The following UBE2Z variants were observed in gnomAD, a reference collection of about 807,000 sequenced individuals.
UBE2Z encodes the protein ubiquitin-conjugating enzyme E2 Z.
UBE2Z carries 10 observed loss-of-function variants against 32.6 expected under a neutral mutation model. That is an observed-to-expected ratio of 0.31 (90% CI 0.19 to 0.52). The LOEUF (loss-of-function observed/expected upper bound fraction) is 0.52. UBE2Z is among the 20% of genes least tolerant of loss of function. The pLI, the probability that UBE2Z is intolerant of heterozygous loss-of-function variation, is 0.97. For missense variants in UBE2Z, 343 were observed against 480.9 expected (o/e 0.71, Z 2.68); for synonymous variants, 183 against 190.8 (o/e 0.96, Z 0.34).
chr17:48,911,363 G>A (rs1324427955), intron 2 of UBE2Z: 1 of 159,118 alleles, frequency 6.3e-6, no homozygotes, highest in East Asian at 1.8e-4. Context: ...CTTACTGGTT[G>A]CGTTTAAGTA....
intron 4 of UBE2Z, among the ~76,000 whole-genome samples, chr17:48,919,648 T>C (rs2040745368): frequency 6.6e-6 from 1 of 152,152 alleles, no homozygotes; most frequent in African/African-American, 2.4e-5. Flanking sequence ...CAGCTAATTT[T>C]TGTATTTTTT....
At position 48,910,818 on chromosome 17, in the gene UBE2Z, T is replaced by A; in HGVS notation, c.328T>A (p.Ser110Thr). 1.9e-6 allele frequency: 3 copies of A among 1,613,098 alleles called. No individual in the cohort carries two copies. Among genetic ancestry groups the A allele is most frequent in the Non-Finnish European group, 1.7e-6 (2 of 1,179,156 alleles). ...CTTGGTGTTATACAGGGATATCATG[T>A]CCATTTATAAGGAGCCTCCTCCAGG... is the stretch of plus-strand genomic sequence containing the variant. ...CLLRIKRDIM[S>T]IYKEPPPGMF... Residue 110 changes from serine (S) to threonine (T), a missense_variant, in exon 2 of 7, where the codon TCC becomes ACC. Physicochemically the swap from Ser to Thr is moderately conservative, Grantham distance 58. This residue lies in a region of UBE2Z where 55 missense variants were observed against 56.2 expected (regional missense o/e 0.98). Transcript: ENST00000360943.
chr17:48,921,314 T>C (rs1314881903), intron 5 of UBE2Z, 42 bp downstream of exon 5: 1 of 1,500,680 alleles, frequency 6.7e-7, no homozygotes, highest in African/African-American at 1.4e-5. Context: ...TTTCGGGCAT[T>C]TGGGTAGTTG....
At chr17:48,924,513 T>G (rs768643562) in intron 6 of UBE2Z, among the ~76,000 whole-genome samples, 15 of 149,822 alleles carry the variant, frequency 1.0e-4, no homozygotes, top group Non-Finnish European at 1.6e-4. Flanking sequence ...AACTCAAAAT[T>G]TAGGCTTGTT....
chr17:48,909,319 C>A (rs1176746248), intron 1 of UBE2Z, among the ~76,000 whole-genome samples: 1 of 152,006 alleles, frequency 6.6e-6, no homozygotes, highest in African/African-American at 2.4e-5. Flanking sequence ...TCGAGCCAAC[C>A]TTTCTTTTTA....
rs374844182 is a variant in UBE2Z at position 48,924,300 on chromosome 17, G to A, written c.894+1363G>A. ...CCATAGTGTTTTGAAGCTAAGATGCGTTCAGCCCTCCCAGAATCTTAGGGA... is the reference window on the plus strand; with the variant it reads ...CCATAGTGTTTTGAAGCTAAGATGCATTCAGCCCTCCCAGAATCTTAGGGA... On this transcript the variant is annotated intron_variant, in intron 6 of 6. Transcript: ENST00000360943. 4.6e-5 allele frequency among the ~76,000 whole-genome samples: 7 copies of A among 152,260 alleles called. No homozygotes were observed. The East Asian group carries it at 9.7e-4, about 21-fold the overall frequency.
rs1598079813 is a variant in UBE2Z, at chr17:48,928,693, C to G, written c.*1559C>G. ...GTGGGCTTGGGGAACGGAAGTTTAT[C>G]TTGGATACCCTTGAAGAGGCTGGGT... On this transcript the variant is annotated 3_prime_UTR_variant, in exon 7 of 7. Transcript: ENST00000360943. 6.7e-6 allele frequency: 1 copy of G among 149,830 alleles called. No homozygotes were observed. Among genetic ancestry groups the G allele is most frequent in the Admixed American group, 6.6e-5 (1 of 15,072 alleles). The allele number at this position is 149,830 out of a possible 1,614,324, so 9.3% of individuals were successfully genotyped here.
intron 5 of UBE2Z, among the ~76,000 whole-genome samples, chr17:48,921,838 G>A (rs1414423805): frequency 1.3e-5 from 2 of 152,048 alleles, no homozygotes; most frequent in African/African-American, 4.8e-5. Context: ...AGACCAGCCT[G>A]GGCAACACAG....
chr17:48,913,073 T>C (rs1437632020), intron 3 of UBE2Z, 52 bp downstream of exon 3: 74 of 1,565,694 alleles, frequency 4.7e-5, no homozygotes, highest in Non-Finnish European at 6.4e-5. Context: ...ATAATTACTC[T>C]AGGTCAGCCT....
chr17:48,918,732 T>C (rs2040738046), intron 4 of UBE2Z, among the ~76,000 whole-genome samples: 1 of 144,130 alleles, frequency 6.9e-6, no homozygotes, highest in African/African-American at 2.5e-5. Context: ...CAGGAGCTGA[T>C]TTTTAGGTCT....
chr17:48,927,098 G>T lies in UBE2Z; in HGVS notation c.1029G>T (p.Gly343=). 3.1e-6 allele frequency: 5 copies of T among 1,613,890 alleles called. No individual in the cohort carries two copies. Among genetic ancestry groups the T allele is most frequent in the Non-Finnish European group, 3.4e-6 (4 of 1,179,872 alleles). The stretch of plus-strand genomic sequence containing the variant: ...TGGACTCTGATAGCAGTTCATCTGG[G>T]ACAGAGACAGACCTTCATGGGAGCC... ...AEMDSDSSSS[G]TETDLHGSLR... The change falls in exon 7 of 7, where the codon GGG becomes GGT. Residue 343 remains glycine (G), a synonymous_variant. Coordinates refer to ENST00000360943, the MANE Select transcript of UBE2Z (RefSeq NM_023079.5).
At chr17:48,926,538 C>T (rs934880828) in intron 6 of UBE2Z, among the ~76,000 whole-genome samples, 4 of 148,140 alleles carry the variant, frequency 2.7e-5, no homozygotes, top group East Asian at 2.0e-4. Context: ...TGTAATGGTG[C>T]GATCTCGATC....
intron 4 of UBE2Z, among the ~76,000 whole-genome samples, 161 bp from the exon 5 acceptor site, chr17:48,920,999 T>C (rs1175915622): frequency 1.3e-5 from 2 of 152,088 alleles, no homozygotes; most frequent in African/African-American, 2.4e-5. Context: ...GTGTCAAAAA[T>C]AAAGGTGTGG....
intron 6 of UBE2Z, among the ~76,000 whole-genome samples, chr17:48,926,728 G>A (rs7212779): frequency 0.28 from 41,905 of 151,984 alleles, 6,095 homozygotes; most frequent in Admixed American, 0.41. Context: ...TGATCCGCCC[G>A]CCTCGGCCGC....
chr17:48,916,191 A>G lies in UBE2Z; in HGVS notation c.690+4A>G. On this transcript the variant is annotated splice_donor_region_variant and intron_variant, in intron 4 of 6. Transcript: ENST00000360943. ...CAATGAGCCCGGCTTTGAACAGGTA[A>G]GGCCAGATGGGCCTGGCTCTGGGGT... 4 of 1,531,122 alleles carry G rather than the reference A, an allele frequency of 2.6e-6. No individual in the cohort carries two copies. The highest frequency in any genetic ancestry group is 3.5e-6 in the Non-Finnish European group (4 of 1,142,146). The allele number at this position is 1,531,122 out of a possible 1,614,324, so 94.8% of individuals were successfully genotyped here.
intron 6 of UBE2Z, among the ~76,000 whole-genome samples, chr17:48,924,625 C>T (rs1323830763): frequency 6.6e-6 from 1 of 151,990 alleles, no homozygotes; most frequent in Admixed American, 6.6e-5. Context: ...GTGGACAGAT[C>T]TCTTGAGGCC....
intron 5 of UBE2Z, among the ~76,000 whole-genome samples, chr17:48,922,624 A>T (rs931001834): frequency 1.7e-4 from 26 of 148,880 alleles, no homozygotes; most frequent in African/African-American, 6.2e-4. Context: ...AAAATTAGCC[A>T]GGCGTGGTGG....
chr17:48,910,118 C>T (rs993427436), intron 1 of UBE2Z, among the ~76,000 whole-genome samples: 4 of 152,186 alleles, frequency 2.6e-5, no homozygotes, highest in Non-Finnish European at 2.9e-5. Context: ...CTAGAATGTT[C>T]TTTAGCCCCT....
At chr17:48,917,626 C>CA (rs2040729909) in intron 4 of UBE2Z, among the ~76,000 whole-genome samples, 1 of 152,170 alleles carries the variant, frequency 6.6e-6, no homozygotes, top group South Asian at 2.1e-4. Flanking sequence ...GGAGAAAACT[C>CA]ACATTTTTCC....
Sources: allele counts gnomAD v4.1 joint callset (sites outside exome capture counted in the v4.1 genomes callset), GRCh38; gene constraint gnomAD v4.1.1; regional missense constraint gnomAD v4.1.1; transcripts MANE v1.5; gene names NCBI Gene and HGNC (gene_info 2026-07-23, HGNC 2026-07-21).